ZNF804A: variants seen among roughly 807,000 people sequenced by gnomAD.
ZNF804A encodes zinc finger protein 804A.
A neutral mutation model predicts 16.5 loss-of-function variants in ZNF804A; 2 were observed. The observed-to-expected ratio is 0.12, with a 90% CI of 0.05 to 0.38. ZNF804A has a LOEUF of 0.38. Among genes scored for constraint, ZNF804A ranks in the 10% least tolerant of loss-of-function variants. ZNF804A has a pLI of 0.99. For missense variants in ZNF804A, 1,473 were observed against 1,390.7 expected, an observed-to-expected ratio of 1.06 and a Z score of -0.94; for synonymous variants, 534 against 489.6, an observed-to-expected ratio of 1.09 and a Z score of -1.20.
intron 1 of ZNF804A, among the ~76,000 whole-genome samples, chr2:184,605,254 A>T (rs1691126658): frequency 1.3e-5 from 2 of 152,154 alleles, no homozygotes; most frequent in Non-Finnish European, 2.9e-5. Context: ...TCTATGGTGT[A>T]CTGCAACAAA....
rs537412582 is a variant in ZNF804A, at chr2:184,912,256, T to A, written c.256-21347T>A. ...AATTGAATTATACAGTATATGACCTTTTGTGTCTGGCTTATTTCCCATACA... is the reference window on the plus strand; with the variant it reads ...AATTGAATTATACAGTATATGACCTATTGTGTCTGGCTTATTTCCCATACA... On this transcript the variant is annotated intron_variant, in intron 2 of 3. Coordinates refer to ENST00000302277, the MANE Select transcript of ZNF804A (RefSeq NM_194250.2). Among the ~76,000 whole-genome samples, 8 of 152,176 alleles carry A rather than the reference T, an allele frequency of 5.3e-5. 1 individual carries two copies. Among genetic ancestry groups the A allele is most frequent in the Admixed American group, 4.6e-4 (7 of 15,268 alleles).
At chr2:184,754,838 A>C (rs139946258) in intron 1 of ZNF804A, among the ~76,000 whole-genome samples, 58 of 151,998 alleles carry the variant, frequency 3.8e-4, no homozygotes, top group Non-Finnish European at 6.9e-4. Flanking sequence ...TAGTCTAAGG[A>C]AATGTACAAT....
chr2:184,917,709 T>C (rs1685472536), intron 2 of ZNF804A, among the ~76,000 whole-genome samples: 1 of 151,844 alleles, frequency 6.6e-6, no homozygotes, highest in Non-Finnish European at 1.5e-5. Context: ...ATACAGTAAA[T>C]ATAAGATTTG....
At position 184,823,166 on chromosome 2, in the gene ZNF804A, C is replaced by A. The variant is rs978584843; in HGVS notation, c.112-43203C>A. Among the ~76,000 whole-genome samples the A allele has an allele frequency of 2.6e-5, 4 of 152,132 alleles. No homozygotes were observed. In the South Asian group the frequency reaches 8.3e-4, roughly 32 times the overall value. On this transcript the variant is annotated intron_variant, in intron 1 of 3. Transcript: ENST00000302277. ...TCTCTTTCCAAGATGGCACCTTGAACACTCTGTCCTCTGGAGGGGAGGATT... is the reference window on the plus strand; with the variant it reads ...TCTCTTTCCAAGATGGCACCTTGAAAACTCTGTCCTCTGGAGGGGAGGATT...
intron 3 of ZNF804A, among the ~76,000 whole-genome samples, chr2:184,934,021 T>C (rs1303614351): frequency 6.6e-6 from 1 of 152,134 alleles, no homozygotes; most frequent in Non-Finnish European, 1.5e-5. Flanking sequence ...CCCCATTTCT[T>C]GGTGATACTC....
At chr2:184,771,552 T>C (rs1034231387) in intron 1 of ZNF804A, among the ~76,000 whole-genome samples, 3 of 150,730 alleles carry the variant, frequency 2.0e-5, no homozygotes, top group Non-Finnish European at 4.4e-5. Context: ...TTCAAGACCA[T>C]CCTGGGCAAT....
chr2:184,694,472 CAGAT>C (rs886980217), intron 1 of ZNF804A, among the ~76,000 whole-genome samples: 12 of 151,994 alleles, frequency 7.9e-5, no homozygotes, highest in Admixed American at 7.9e-4. Context: ...ATATAACATA[CAGAT>C]AGATACATAT....
At chr2:184,619,153 G>T (rs894621029) in intron 1 of ZNF804A, among the ~76,000 whole-genome samples, 2 of 151,888 alleles carry the variant, frequency 1.3e-5, no homozygotes, top group Non-Finnish European at 2.9e-5. Flanking sequence ...TTGTAAAGAG[G>T]TTTCTTATTC....
chr2:184,892,597 G>T (rs1046870382), intron 2 of ZNF804A, among the ~76,000 whole-genome samples: 1 of 146,122 alleles, frequency 6.8e-6, no homozygotes, highest in Non-Finnish European at 1.5e-5. Flanking sequence ...CGAACCTCCT[G>T]CCTCATCCCC....
At chr2:184,850,624 T>A (rs571753218) in intron 1 of ZNF804A, among the ~76,000 whole-genome samples, 1 of 151,808 alleles carries the variant, frequency 6.6e-6, no homozygotes, top group South Asian at 2.1e-4. Flanking sequence ...TCTTAAGAAC[T>A]TATAATGAAA....
chr2:184,823,218 G>A (rs917202215), intron 1 of ZNF804A, among the ~76,000 whole-genome samples: 14 of 151,894 alleles, frequency 9.2e-5, no homozygotes, highest in East Asian at 1.9e-4. Flanking sequence ...GCAAAGGGAG[G>A]GAAAGGCAGA....
intron 1 of ZNF804A, among the ~76,000 whole-genome samples, chr2:184,817,965 C>T (rs1695008986): frequency 6.6e-6 from 1 of 151,864 alleles, no homozygotes; most frequent in African/African-American, 2.4e-5. Context: ...GAGAATGGAA[C>T]CAATTTGAAA....
chr2:184,628,529 A>G (rs1691545666), intron 1 of ZNF804A, among the ~76,000 whole-genome samples: 1 of 152,192 alleles, frequency 6.6e-6, no homozygotes, highest in Non-Finnish European at 1.5e-5. Flanking sequence ...CCAGATAAAA[A>G]TAAATAAATA....
chr2:184,880,547 A>G (rs1358699120), intron 2 of ZNF804A, among the ~76,000 whole-genome samples: 1 of 152,082 alleles, frequency 6.6e-6, no homozygotes, highest in African/African-American at 2.4e-5. Flanking sequence ...TCAATTCTTC[A>G]TTTATTGAAA....
intron 1 of ZNF804A, among the ~76,000 whole-genome samples, chr2:184,823,801 A>G (rs1209115340): frequency 2.0e-5 from 3 of 152,148 alleles, no homozygotes; most frequent in African/African-American, 7.2e-5. Context: ...GTGAGATAAA[A>G]TATGTTTACA....
chr2:184,720,207 T>C (rs1270918696), intron 1 of ZNF804A, among the ~76,000 whole-genome samples: 1 of 152,124 alleles, frequency 6.6e-6, no homozygotes, highest in Non-Finnish European at 1.5e-5. Flanking sequence ...CTCCCATAAT[T>C]CAGTCACCTC....
At chr2:184,869,526 G>A (rs1369917498) in intron 2 of ZNF804A, among the ~76,000 whole-genome samples, 1 of 151,940 alleles carries the variant, frequency 6.6e-6, no homozygotes, top group Non-Finnish European at 1.5e-5. Flanking sequence ...TATTATTAGG[G>A]AAATTAAATG....
At chr2:184,892,483 CTTTTTTTTT>C (rs869292193) in intron 2 of ZNF804A, among the ~76,000 whole-genome samples, 303 of 105,746 alleles carry the variant, frequency 2.9e-3, no homozygotes, top group Middle Eastern at 0.015. Flanking sequence ...TTGTTGTGTT[CTTTTTTTTT>C]TTTTTTTTTT....
At chr2:184,777,561 C>G in intron 1 of ZNF804A, among the ~76,000 whole-genome samples, 1 of 146,778 alleles carries the variant, frequency 6.8e-6, no homozygotes, top group East Asian at 2.0e-4. Flanking sequence ...ATGCTGTCTA[C>G]ATTTTTTTTT....
Sources: allele counts gnomAD v4.1 joint callset (sites outside exome capture counted in the v4.1 genomes callset), GRCh38; gene constraint gnomAD v4.1.1; transcripts MANE v1.5; gene names NCBI Gene and HGNC (gene_info 2026-07-23, HGNC 2026-07-21).